Variants in NOS1 observed in about 807,000 individuals in gnomAD.
NOS1 encodes the protein nitric oxide synthase 1.
Under a neutral mutation model 164.5 loss-of-function variants are expected in NOS1, and 51 were observed. The ratio of observed to expected loss-of-function variants is 0.31; its 90% CI spans 0.25 to 0.39. The LOEUF (loss-of-function observed/expected upper bound fraction) is 0.39, where lower values mean the gene tolerates loss of function less well. Ranked by LOEUF, NOS1 falls within the 10% of genes least tolerant of loss-of-function variation. The pLI is 1.00. For synonymous variants in NOS1, 719 were observed against 745.8 expected, an observed-to-expected ratio of 0.96 and a Z score of 0.59; for missense variants, 1,362 against 1,885.6, an observed-to-expected ratio of 0.72 and a Z score of 5.14.
intron 7 of NOS1, among the ~76,000 whole-genome samples, chr12:117,285,029 G>A (rs1208899520): frequency 2.8e-5 from 4 of 142,302 alleles, no homozygotes; most frequent in Non-Finnish European, 6.0e-5. Flanking sequence ...CAGCCTGGGC[G>A]ACAGAGCAAG....
intron 28 of NOS1, 112 bp from the exon 29 acceptor site, chr12:117,215,436 TTC>T: frequency 3.1e-6 from 4 of 1,303,952 alleles, no homozygotes; most frequent in East Asian, 5.6e-5. Flanking sequence ...CTTTGTCTCT[TTC>T]TTTTTTTTTT....
Position 117,259,786 on chromosome 12 carries a change from A to T in NOS1, c.2368-656T>A, listed in dbSNP as rs1871739802. On this transcript the variant is annotated intron_variant, in intron 14 of 28. Transcript: ENST00000317775. ...CTTTTGGAGATTAGAACACATGCTT[A>T]TAGATTACAGGCTCTGGGAAGTCCT... Among the ~76,000 whole-genome samples the T allele has an allele frequency of 3.3e-5, 5 of 152,318 alleles. No homozygotes were observed. In the South Asian group the frequency reaches 1.0e-3, roughly 32 times the overall value.
intron 1 of NOS1, among the ~76,000 whole-genome samples, chr12:117,340,026 A>G (rs1375704984): frequency 1.3e-5 from 2 of 152,014 alleles, no homozygotes; most frequent in African/African-American, 4.8e-5. Flanking sequence ...TATTTTTGAG[A>G]CAGGGTCTCG....
At chr12:117,281,788 C>G (rs1190723762) in intron 7 of NOS1, among the ~76,000 whole-genome samples, 1 of 150,336 alleles carries the variant, frequency 6.7e-6, no homozygotes, top group African/African-American at 2.5e-5. Flanking sequence ...CGGGATCACA[C>G]CACTGCACTC....
chr12:117,220,300 C>A, intron 26 of NOS1, 31 bp from the exon 27 acceptor site: 1 of 1,566,938 alleles, frequency 6.4e-7, no homozygotes. Context: ...TGAGAAGGGG[C>A]TGGGCTGTGC....
chr12:117,271,532 C>T (rs553595549), intron 10 of NOS1, among the ~76,000 whole-genome samples: 2 of 152,280 alleles, frequency 1.3e-5, no homozygotes, highest in Admixed American at 1.3e-4. Flanking sequence ...CCTCGGCCTC[C>T]CAAAGTGCTG....
Position 117,222,783 on chromosome 12 carries a change from G to T in NOS1, c.3907C>A (p.Gln1303Lys). 8 of 1,614,008 alleles carry T rather than the reference G, an allele frequency of 5.0e-6. No individual in the cohort carries two copies. The highest frequency in any genetic ancestry group is 6.8e-6 in the Non-Finnish European group (8 of 1,179,962). ...CTGAAGACCCCCTTGTTCTTGGCCTGCAGGGTCTCTTCCCTGTAGATATGA... is the reference window on the plus strand; with the variant it reads ...CTGAAGACCCCCTTGTTCTTGGCCTTCAGGGTCTCTTCCCTGTAGATATGA... The part of the protein sequence containing the change: ...IDHIYREETL[Q>K]AKNKGVFREL... The change falls in exon 26 of 29, where the codon CAG becomes AAG. Residue 1303 changes from glutamine to lysine, a missense_variant. Transcript: ENST00000317775.
chr12:117,217,143 G>A (rs1956624362), intron 28 of NOS1, among the ~76,000 whole-genome samples: 1 of 152,092 alleles, frequency 6.6e-6, no homozygotes, highest in Admixed American at 6.6e-5. Context: ...GCAATTTCTA[G>A]AGGTTCAGTG....
At chr12:117,342,580 G>A (rs375220313) in intron 1 of NOS1, among the ~76,000 whole-genome samples, 82 of 152,262 alleles carry the variant, frequency 5.4e-4, no homozygotes, top group African/African-American at 1.8e-3. Flanking sequence ...GCCATGTCAC[G>A]AGATAAATCT....
chr12:117,326,394 A>C (rs1172201488), intron 2 of NOS1, among the ~76,000 whole-genome samples: 1 of 8,236 alleles, frequency 1.2e-4, no homozygotes, highest in Non-Finnish European at 3.8e-4. Context: ...TCAAAAAAAA[A>C]AAAAAAACAA....
chr12:117,242,280 C>T (rs973671424), intron 20 of NOS1, among the ~76,000 whole-genome samples: 2 of 152,064 alleles, frequency 1.3e-5, no homozygotes, highest in African/African-American at 4.8e-5. Flanking sequence ...AAAAATTATC[C>T]ACAATAGGAA....
At position 117,212,430 on chromosome 12, in the gene NOS1, G is replaced by A; in HGVS notation, c.*2879C>T. On this transcript the variant is annotated 3_prime_UTR_variant, in exon 29 of 29. Transcript: ENST00000317775. ...AGACACCTGGCTGTCTCACTCCAGG[G>A]AAACCAAAAGAAGCCCTCTCTCCTC... 1 of 985,398 alleles carries A rather than the reference G, an allele frequency of 1.0e-6. No individual in the cohort carries two copies. Among genetic ancestry groups the A allele is most frequent in the Non-Finnish European group, 1.2e-6 (1 of 829,924 alleles). The allele number at this position is 985,398 out of a possible 1,614,324, so 61.0% of individuals were successfully genotyped here. A position where few individuals can be genotyped will look rare whatever the true frequency, so the allele number is the denominator to read the frequency against.
chr12:117,208,884 G>T lies in NOS1; in HGVS notation c.*6425C>A. Reference sequence around the variant, plus strand: ...ATTACAGATGCCCGCCACCACGCCGGGCTGATTTTTGTATTTTTAGTAGAG... The same window carrying T: ...ATTACAGATGCCCGCCACCACGCCGTGCTGATTTTTGTATTTTTAGTAGAG... On this transcript the variant is annotated 3_prime_UTR_variant, in exon 29 of 29. Coordinates refer to ENST00000317775, the MANE Select transcript of NOS1 (RefSeq NM_000620.5). 1 of 616,416 alleles carries T rather than the reference G, an allele frequency of 1.6e-6. No individual in the cohort carries two copies. The highest frequency in any genetic ancestry group is 7.1e-5 in the South Asian group (1 of 14,048). The allele number at this position is 616,416 out of a possible 1,614,324, so 38.2% of individuals were successfully genotyped here. A position where few individuals can be genotyped will look rare whatever the true frequency, so the allele number is the denominator to read the frequency against.
chr12:117,313,009 T>C lies in NOS1; in HGVS notation c.726-1417A>G, dbSNP rs9658295. Among the ~76,000 whole-genome samples, 527 of 152,180 alleles carry C rather than the reference T, an allele frequency of 3.5e-3. 3 individuals are homozygous for C. Among genetic ancestry groups the C allele is most frequent in the African/African-American group, 0.012 (500 of 41,512 alleles). ...CTTTCCTCATCAGCCTCCACCATAA[T>C]CACCATCACCATCATCATCACCATA... On this transcript the variant is annotated intron_variant, in intron 2 of 28. Coordinates refer to ENST00000317775, the MANE Select transcript of NOS1 (RefSeq NM_000620.5).
intron 3 of NOS1, among the ~76,000 whole-genome samples, chr12:117,305,888 C>G (rs1316808348): frequency 6.6e-6 from 1 of 151,478 alleles, no homozygotes; most frequent in Non-Finnish European, 1.5e-5. Flanking sequence ...AACTCCCAGG[C>G]TCAAGCAATT....
chr12:117,213,246 C>T lies in NOS1; in HGVS notation c.*2063G>A, dbSNP rs923102978. The T allele has an allele frequency of 1.3e-5, 13 of 985,234 alleles. No individual in the cohort carries two copies. The highest frequency in any genetic ancestry group is 1.1e-4 in the East Asian group (1 of 8,822). 61.0% of individuals were successfully genotyped at this position (985,234 alleles called of 1,614,324 possible). A position where few individuals can be genotyped will look rare whatever the true frequency, so the allele number is the denominator to read the frequency against. On this transcript the variant is annotated 3_prime_UTR_variant, in exon 29 of 29. Coordinates refer to ENST00000317775, the MANE Select transcript of NOS1 (RefSeq NM_000620.5). ...TTCCTTCCCTGGGGAATTGGGGAGGCGTCTCCAAAGCTATAAAGGATTGGA... is the reference window on the plus strand; with the variant it reads ...TTCCTTCCCTGGGGAATTGGGGAGGTGTCTCCAAAGCTATAAAGGATTGGA...
At chr12:117,335,498 G>C (rs1040193122) in intron 1 of NOS1, among the ~76,000 whole-genome samples, 1 of 152,136 alleles carries the variant, frequency 6.6e-6, no homozygotes, top group Non-Finnish European at 1.5e-5. Context: ...ATTAGTAGCT[G>C]ACTATCGGGG....
chr12:117,326,334 C>T lies in NOS1; in HGVS notation c.725+4011G>A, dbSNP rs555704218. On this transcript the variant is annotated intron_variant, in intron 2 of 28. Transcript: ENST00000317775. ...CCGGGAGGCGGAGGTTGCAGTGAGC[C>T]GAGATCATACCACTGCACTCCAGCA... 1.8e-4 allele frequency among the ~76,000 whole-genome samples: 27 copies of T among 148,004 alleles called. No homozygotes were observed. The East Asian group carries it at 4.3e-3, about 24-fold the overall frequency.
chr12:117,262,701 T>C (rs1181814577), intron 13 of NOS1, among the ~76,000 whole-genome samples: 1 of 151,884 alleles, frequency 6.6e-6, no homozygotes, highest in Non-Finnish European at 1.5e-5. Context: ...GGAAACAGAG[T>C]AGTGTCTTCT....
Sources: allele counts gnomAD v4.1 joint callset (sites outside exome capture counted in the v4.1 genomes callset), GRCh38; gene constraint gnomAD v4.1.1; transcripts MANE v1.5; gene names NCBI Gene and HGNC (gene_info 2026-07-23, HGNC 2026-07-21).